Variants in CEP128 observed in about 807,000 individuals in gnomAD.
CEP128 encodes centrosomal protein 128, also known as centrosomal protein 128kDa.
In CEP128, 132 loss-of-function variants were observed where a neutral mutation model predicts 156.7. The observed-to-expected ratio is 0.84, with a 90% CI of 0.73 to 0.97. The LOEUF is 0.97. Among genes scored for constraint, CEP128 ranks in the 50% least tolerant of loss-of-function variants. The probability of loss-of-function intolerance (pLI) is 0.00; values close to 1 mark genes in which losing one functional copy is unlikely to be tolerated. For synonymous variants in CEP128, 469 were observed against 448.9 expected (o/e 1.04, Z -0.57); for missense variants, 1,252 against 1,281.9 (o/e 0.98, Z 0.36).
chr14:80,494,782 T>C (rs897535489), downstream of CEP128, among the ~76,000 whole-genome samples: 10 of 152,328 alleles, frequency 6.6e-5, no homozygotes, highest in African/African-American at 2.2e-4. Flanking sequence ...TACTGTTTTA[T>C]TAAGCTATAG....
chr14:80,637,033 C>T, intron 19 of CEP128, among the ~76,000 whole-genome samples: 1 of 151,624 alleles, frequency 6.6e-6, no homozygotes, highest in East Asian at 1.9e-4. Context: ...TTGTGGTGAG[C>T]CAAGATCGGG....
At chr14:80,817,896 C>A (rs1168880785) in intron 13 of CEP128, among the ~76,000 whole-genome samples, 6 of 151,450 alleles carry the variant, frequency 4.0e-5, no homozygotes. Context: ...GAAAAACTCA[C>A]TTGAAAGCCC....
intron 19 of CEP128, among the ~76,000 whole-genome samples, chr14:80,625,231 G>T (rs184814212): frequency 1.3e-5 from 2 of 152,082 alleles, no homozygotes; most frequent in African/African-American, 2.4e-5. Flanking sequence ...TATGTTCTTG[G>T]CAACTTTGTT....
At position 80,507,569 on chromosome 14, in the gene CEP128, T is replaced by G. The variant is rs909944154; in HGVS notation, c.3073-2549A>C. 3.9e-4 allele frequency among the ~76,000 whole-genome samples: 59 copies of G among 152,300 alleles called. 2 individuals carry two copies. The Middle Eastern group carries it at 0.01, about 26-fold the overall frequency. On this transcript the variant is annotated intron_variant, in intron 23 of 24. Coordinates refer to ENST00000555265, the MANE Select transcript of CEP128 (RefSeq NM_152446.5). The stretch of plus-strand genomic sequence containing the variant: ...TGAATCATGGTTTTGATATAAATCA[T>G]GGTTTTGAAAGAGAAAAGCATAATA...
At chr14:80,506,525 TAGG>T (rs1887984148) in intron 23 of CEP128, among the ~76,000 whole-genome samples, 1 of 151,726 alleles carries the variant, frequency 6.6e-6, no homozygotes, top group Non-Finnish European at 1.5e-5. Flanking sequence ...AGCAGGGTTC[TAGG>T]GAGATGAAAG....
intron 4 of CEP128, among the ~76,000 whole-genome samples, chr14:80,907,598 C>G (rs927690871): frequency 6.9e-5 from 10 of 144,982 alleles, no homozygotes; most frequent in Admixed American, 2.9e-4. Flanking sequence ...GCAGAGGTTG[C>G]AGTCAGCTGA....
chr14:80,887,169 A>G (rs1009148615), intron 8 of CEP128, among the ~76,000 whole-genome samples: 3 of 152,212 alleles, frequency 2.0e-5, no homozygotes, highest in African/African-American at 7.2e-5. Flanking sequence ...ATTCCCACAC[A>G]ATAATAGTGG....
At chr14:80,703,714 C>T (rs573420808) in intron 19 of CEP128, among the ~76,000 whole-genome samples, 9 of 151,984 alleles carry the variant, frequency 5.9e-5, no homozygotes, top group Non-Finnish European at 1.3e-4. Context: ...TTGGATATCA[C>T]GACTAGAAAA....
At chr14:80,682,638 G>A (rs1309247705) in intron 19 of CEP128, among the ~76,000 whole-genome samples, 1 of 152,150 alleles carries the variant, frequency 6.6e-6, no homozygotes, top group Non-Finnish European at 1.5e-5. Flanking sequence ...AAGGAATATA[G>A]TCAGCAGGAT....
At chr14:80,680,026 G>A (rs565851349) in intron 19 of CEP128, among the ~76,000 whole-genome samples, 98 of 152,336 alleles carry the variant, frequency 6.4e-4, no homozygotes, top group East Asian at 5.0e-3. Flanking sequence ...GTGTGGCAGC[G>A]TAGTTGCGCA....
At chr14:80,912,318 T>G (rs1288938307) in intron 4 of CEP128, among the ~76,000 whole-genome samples, 4 of 152,168 alleles carry the variant, frequency 2.6e-5, no homozygotes, top group Non-Finnish European at 5.9e-5. Flanking sequence ...AATTGCTTTC[T>G]TAACATTACA....
In CEP128 at chr14:80,909,371, T is replaced by TCACACACACACACACA. The variant is rs36082524; in HGVS notation, c.235-3306_235-3291dup. On this transcript the variant is annotated intron_variant, in intron 4 of 24. Coordinates refer to ENST00000555265, the MANE Select transcript of CEP128 (RefSeq NM_152446.5). ...AAAAGCTCAGAAATAAAGTGAATTT[T>TCACACACACACACACA]CACACACACACACACACACACACAC... 1.7e-3 allele frequency among the ~76,000 whole-genome samples: 247 copies of TCACACACACACACACA among 142,424 alleles called. 2 individuals carry two copies. Among genetic ancestry groups the TCACACACACACACACA allele is most frequent in the African/African-American group, 5.9e-3 (222 of 37,784 alleles). The allele number at this position is 142,424 out of a possible 152,430, so 93.4% of individuals were successfully genotyped here. A position where few individuals can be genotyped will look rare whatever the true frequency, so the allele number is the denominator to read the frequency against.
chr14:80,673,993 G>C (rs1895961981), intron 19 of CEP128, among the ~76,000 whole-genome samples: 1 of 151,868 alleles, frequency 6.6e-6, no homozygotes, highest in Non-Finnish European at 1.5e-5. Context: ...AAAAGAAATA[G>C]GCTTCTGAGA....
At chr14:80,799,764 A>G (rs1266269879) in intron 13 of CEP128, among the ~76,000 whole-genome samples, 1 of 151,168 alleles carries the variant, frequency 6.6e-6, no homozygotes, top group East Asian at 1.9e-4. Context: ...GTGGGGAAAA[A>G]CTCTGCCCCT....
intron 14 of CEP128, among the ~76,000 whole-genome samples, chr14:80,482,185 T>C (rs749078275): frequency 1.6e-4 from 25 of 152,234 alleles, no homozygotes; most frequent in Non-Finnish European, 7.3e-5. Context: ...GCAGAAATGC[T>C]ACTTCCTTTG....
intron 8 of CEP128, among the ~76,000 whole-genome samples, chr14:80,869,005 T>C (rs1566682141): frequency 1.3e-5 from 2 of 152,026 alleles, no homozygotes; most frequent in African/African-American, 4.8e-5. Context: ...CAAATCTTAA[T>C]AGATCTGAAG....
intron 6 of CEP128, among the ~76,000 whole-genome samples, chr14:80,491,400 T>C (rs570131042): frequency 6.6e-6 from 1 of 152,214 alleles, no homozygotes; most frequent in Admixed American, 6.5e-5. Context: ...GCATCTATTT[T>C]ACTCAGGCCA....
intron 13 of CEP128, among the ~76,000 whole-genome samples, chr14:80,814,796 T>C (rs1396247325): frequency 3.9e-5 from 6 of 152,172 alleles, no homozygotes; most frequent in Non-Finnish European, 7.3e-5. Context: ...CGGTGGCTCA[T>C]GCCTGTAATC....
rs1032434128 is a variant in CEP128, at chr14:80,733,078, T to C, written c.2806+9997A>G. ...AAGCATATTGCCTCCACAATATGAG[T>C]GGGCCTCATCTAATCCACTGAAGGT... On this transcript the variant is annotated intron_variant, in intron 19 of 24. Coordinates refer to ENST00000555265, the MANE Select transcript of CEP128 (RefSeq NM_152446.5). Among the ~76,000 whole-genome samples, 11 of 152,030 alleles carry C rather than the reference T, an allele frequency of 7.2e-5. 2 individuals are homozygous for C. The highest frequency in any genetic ancestry group is 7.2e-4 in the Admixed American group (11 of 15,244).
Sources: allele counts gnomAD v4.1 joint callset (sites outside exome capture counted in the v4.1 genomes callset), GRCh38; gene constraint gnomAD v4.1.1; transcripts MANE v1.5; gene names NCBI Gene and HGNC (gene_info 2026-07-23, HGNC 2026-07-21).